The following AOPEP variants were observed in gnomAD, a reference collection of about 807,000 sequenced individuals.
The protein encoded by AOPEP is aminopeptidase O.
A neutral mutation model predicts 98.1 loss-of-function variants in AOPEP; 77 were observed. The observed-to-expected ratio is 0.78, with a 90% CI of 0.65 to 0.95. The LOEUF (loss-of-function observed/expected upper bound fraction) is 0.95, where lower values mean the gene tolerates loss of function less well. AOPEP is among the 40% of genes least tolerant of loss of function. The pLI is 0.00. For synonymous variants in AOPEP, 346 were observed against 365.3 expected (o/e 0.95, Z 0.60); for missense variants, 1,024 against 1,024.7 (o/e 1.00, Z 0.01).
intron 5 of AOPEP, among the ~76,000 whole-genome samples, chr9:94,899,702 A>T (rs1420523081): frequency 6.6e-6 from 1 of 151,958 alleles, no homozygotes; most frequent in African/African-American, 2.4e-5. Flanking sequence ...GTGAGCCATG[A>T]TCGCACCACT....
chr9:95,110,925 CTTCT>C, the AOPEP span: 18 of 1,325,148 alleles, frequency 1.4e-5, no homozygotes, highest in African/African-American at 1.5e-4. Flanking sequence ...AAATGACCAA[CTTCT>C]TTTTCAGAAG....
intron 11 of AOPEP, among the ~76,000 whole-genome samples, chr9:95,004,817 G>C (rs1172303134): frequency 6.8e-6 from 1 of 147,298 alleles, no homozygotes; most frequent in Non-Finnish European, 1.5e-5. Flanking sequence ...GCCCGGGAGC[G>C]GGAGCACGCC....
downstream of AOPEP, among the ~76,000 whole-genome samples, chr9:95,091,073 G>A (rs1445086883): frequency 6.6e-6 from 1 of 152,224 alleles, no homozygotes; most frequent in Non-Finnish European, 1.5e-5. Flanking sequence ...GACCTGTGCC[G>A]CAGTGACCTC....
At chr9:94,786,011 G>A (rs559415042) in intron 3 of AOPEP, among the ~76,000 whole-genome samples, 2 of 152,090 alleles carry the variant, frequency 1.3e-5, no homozygotes, top group African/African-American at 4.8e-5. Flanking sequence ...ATCAGGTCGC[G>A]GTTTTCAGTA....
chr9:94,766,343 C>T (rs1419325766), intron 2 of AOPEP, among the ~76,000 whole-genome samples: 1 of 152,180 alleles, frequency 6.6e-6, no homozygotes, highest in Non-Finnish European at 1.5e-5. Context: ...TCGAGACCAT[C>T]CTGGCTGATG....
chr9:94,977,069 C>T (rs189305634), intron 10 of AOPEP, among the ~76,000 whole-genome samples: 60 of 152,300 alleles, frequency 3.9e-4, no homozygotes, highest in African/African-American at 1.4e-3. Flanking sequence ...CCCTCTCTGG[C>T]TGGAAAGGAA....
In AOPEP at chr9:94,886,367, A is replaced by T. The variant is rs2048240965; in HGVS notation, c.1365-37619A>T. 2.0e-5 allele frequency among the ~76,000 whole-genome samples: 3 copies of T among 152,182 alleles called. No individual in the cohort carries two copies. The South Asian group carries it at 6.2e-4, about 32-fold the overall frequency. On this transcript the variant is annotated intron_variant, in intron 5 of 16. Coordinates refer to ENST00000375315, the MANE Select transcript of AOPEP (RefSeq NM_001193329.3). ...AATGCTTTAGAAAAGATACCTATATAATTACGCCTACAGAAAAGGTTAAAA... is the reference window on the plus strand; with the variant it reads ...AATGCTTTAGAAAAGATACCTATATTATTACGCCTACAGAAAAGGTTAAAA...
intron 5 of AOPEP, among the ~76,000 whole-genome samples, chr9:94,826,985 C>T (rs922629207): frequency 6.6e-6 from 1 of 152,294 alleles, no homozygotes; most frequent in Non-Finnish European, 1.5e-5. Context: ...ATAACATGCC[C>T]CAGTGGAACT....
intron 5 of AOPEP, among the ~76,000 whole-genome samples, chr9:94,850,364 C>G (rs1406500965): frequency 2.0e-5 from 3 of 152,184 alleles, no homozygotes; most frequent in African/African-American, 7.2e-5. Flanking sequence ...CAGATGTGGT[C>G]CTGCCTGTTG....
chr9:95,019,107 CAGCAGCA>C (rs1564530985), intron 13 of AOPEP: 6 of 149,966 alleles, frequency 4.0e-5, no homozygotes, highest in Non-Finnish European at 1.5e-5. Context: ...AGCAAGTATA[CAGCAGCA>C]AGTATACAGC....
chr9:94,957,172 C>G (rs1381034468), intron 9 of AOPEP, among the ~76,000 whole-genome samples: 2 of 152,094 alleles, frequency 1.3e-5, no homozygotes, highest in Admixed American at 6.5e-5. Flanking sequence ...CTCTCTTAAC[C>G]AAACTGTTCA....
At chr9:95,095,057 AG>A in the AOPEP span, among the ~76,000 whole-genome samples, 2 of 152,192 alleles carry the variant, frequency 1.3e-5, no homozygotes, top group African/African-American at 4.8e-5. Flanking sequence ...GAGTGCTGCC[AG>A]GAACATGGCG....
At chr9:95,122,330 T>C in the AOPEP span, among the ~76,000 whole-genome samples, 2 of 152,062 alleles carry the variant, frequency 1.3e-5, no homozygotes, top group Admixed American at 6.5e-5. Flanking sequence ...AAATATGACA[T>C]GAAGGGTTTT....
chr9:95,005,282 A>C, intron 12 of AOPEP, 62 bp downstream of exon 12: 2 of 889,030 alleles, frequency 2.2e-6, no homozygotes, highest in Non-Finnish European at 1.4e-6. Flanking sequence ...GCGGCTGGCG[A>C]GAGGCCCTGG....
At chr9:94,763,068 G>C (rs1013519511) in intron 2 of AOPEP, 1 of 432,412 alleles carries the variant, frequency 2.3e-6, no homozygotes, top group Non-Finnish European at 4.7e-6. Flanking sequence ...AATATTATCA[G>C]TTATACCCGC....
At chr9:94,981,315 G>T (rs909050262) in intron 11 of AOPEP, among the ~76,000 whole-genome samples, 1 of 152,166 alleles carries the variant, frequency 6.6e-6, no homozygotes, top group Non-Finnish European at 1.5e-5. Flanking sequence ...TTGCATTAGT[G>T]ACAGCTTATA....
chr9:95,150,178 CAG>C, the AOPEP span: 1 of 1,353,192 alleles, frequency 7.4e-7, no homozygotes, highest in Non-Finnish European at 1.0e-6. Context: ...AGGTCAAAGA[CAG>C]ATCACCTGTT....
chr9:94,989,973 G>A (rs1767967808), intron 11 of AOPEP, among the ~76,000 whole-genome samples: 1 of 152,080 alleles, frequency 6.6e-6, no homozygotes, highest in Non-Finnish European at 1.5e-5. Context: ...CAAACATTGC[G>A]CTGGGTGGTT....
intron 13 of AOPEP, among the ~76,000 whole-genome samples, chr9:95,035,320 G>GT (rs1241133492): frequency 1.3e-5 from 2 of 151,958 alleles, no homozygotes; most frequent in African/African-American, 4.8e-5. Flanking sequence ...CTCCTGTGAT[G>GT]TATCTCGTAG....
Sources: allele counts gnomAD v4.1 joint callset (sites outside exome capture counted in the v4.1 genomes callset), GRCh38; gene constraint gnomAD v4.1.1; transcripts MANE v1.5; gene names NCBI Gene and HGNC (gene_info 2026-07-23, HGNC 2026-07-21).